The following SYNPR variants were observed in gnomAD, a reference collection of about 807,000 sequenced individuals.
SYNPR encodes the protein synaptoporin.
A neutral mutation model predicts 32.9 loss-of-function variants in SYNPR; 23 were observed. That is an observed-to-expected ratio of 0.70 (90% CI 0.50 to 0.99). SYNPR has a LOEUF of 0.99. SYNPR is among the 50% of genes least tolerant of loss of function. The pLI is 0.00. For synonymous variants in SYNPR, 146 were observed against 135.9 expected, an observed-to-expected ratio of 1.07 and a Z score of -0.52; for missense variants, 318 against 349.3, an observed-to-expected ratio of 0.91 and a Z score of 0.71.
the SYNPR span, among the ~76,000 whole-genome samples, chr3:63,202,069 C>A: frequency 2.0e-5 from 3 of 152,036 alleles, no homozygotes; most frequent in Non-Finnish European, 4.4e-5. Flanking sequence ...AATATATATT[C>A]AAAAGAAAGT....
intron 2 of SYNPR, among the ~76,000 whole-genome samples, chr3:63,350,213 TACACACACACACAC>T (rs67609911): frequency 6.9e-6 from 1 of 144,732 alleles, no homozygotes; most frequent in Non-Finnish European, 1.5e-5. Flanking sequence ...AATATTATTC[TACACACACACACAC>T]ACACACACAC....
upstream of SYNPR, among the ~76,000 whole-genome samples, chr3:63,275,083 G>A (rs541994532): frequency 2.6e-5 from 4 of 152,294 alleles, no homozygotes; most frequent in East Asian, 5.8e-4. Flanking sequence ...CCCCACCAAA[G>A]TTAACTTTAT....
At chr3:63,304,995 A>G (rs973389966) in intron 2 of SYNPR, among the ~76,000 whole-genome samples, 2 of 151,902 alleles carry the variant, frequency 1.3e-5, no homozygotes, top group South Asian at 2.1e-4. Context: ...CCAGAGCTAT[A>G]TAATGTGTGC....
At chr3:63,536,597 T>A (rs1194926284) in intron 3 of SYNPR, among the ~76,000 whole-genome samples, 2 of 152,160 alleles carry the variant, frequency 1.3e-5, no homozygotes, top group African/African-American at 4.8e-5. Flanking sequence ...CTAAACTGTA[T>A]GATCTAGCAA....
intron 1 of SYNPR, among the ~76,000 whole-genome samples, chr3:63,228,681 T>G (rs2086147027): frequency 6.6e-6 from 1 of 152,044 alleles, no homozygotes; most frequent in African/African-American, 2.4e-5. Flanking sequence ...AAAATAATTT[T>G]AAAGAACAAA....
intron 2 of SYNPR, among the ~76,000 whole-genome samples, chr3:63,408,271 AAGAAAG>A (rs1560221095): frequency 9.2e-6 from 1 of 108,808 alleles, no homozygotes; most frequent in East Asian, 2.6e-4. Context: ...GAAAGAAAGA[AAGAAAG>A]AGGAAGGAAG....
the SYNPR span, among the ~76,000 whole-genome samples, chr3:63,202,495 G>A: frequency 1.3e-5 from 2 of 152,048 alleles, no homozygotes; most frequent in Non-Finnish European, 2.9e-5. Flanking sequence ...TCCCTCAGTG[G>A]GCCGTGAACA....
At chr3:63,205,534 C>T in the SYNPR span, among the ~76,000 whole-genome samples, 4 of 152,222 alleles carry the variant, frequency 2.6e-5, no homozygotes, top group Non-Finnish European at 2.9e-5. Flanking sequence ...CTGTTAAACC[C>T]CTGTCACTGT....
intron 3 of SYNPR, among the ~76,000 whole-genome samples, chr3:63,552,449 T>C (rs1702519528): frequency 6.6e-6 from 1 of 152,228 alleles, no homozygotes; most frequent in Admixed American, 6.5e-5. Context: ...TCTGTTGTCC[T>C]GAATTTTGTT....
intron 2 of SYNPR, among the ~76,000 whole-genome samples, chr3:63,362,247 C>A (rs772427773): frequency 2.0e-5 from 3 of 152,174 alleles, no homozygotes; most frequent in Non-Finnish European, 4.4e-5. Flanking sequence ...GAGAAATAAA[C>A]CTCTGTTGTT....
At chr3:63,298,772 A>G (rs368785245) in intron 2 of SYNPR, among the ~76,000 whole-genome samples, 37 of 152,248 alleles carry the variant, frequency 2.4e-4, no homozygotes, top group African/African-American at 8.4e-4. Flanking sequence ...TGAGACAGGG[A>G]ATGGAAGTAA....
intron 2 of SYNPR, among the ~76,000 whole-genome samples, chr3:63,298,567 G>A (rs1024979063): frequency 6.6e-6 from 1 of 152,108 alleles, no homozygotes. Flanking sequence ...AGCAATGCAT[G>A]TCAGAATTCT....
intron 3 of SYNPR, among the ~76,000 whole-genome samples, chr3:63,509,228 T>C (rs946628973): frequency 1.3e-5 from 2 of 150,360 alleles, no homozygotes; most frequent in Non-Finnish European, 3.0e-5. Flanking sequence ...TATGTATGGG[T>C]ATATCTATAT....
At chr3:63,547,200 T>G (rs1702422726) in intron 3 of SYNPR, among the ~76,000 whole-genome samples, 1 of 152,196 alleles carries the variant, frequency 6.6e-6, no homozygotes, top group Non-Finnish European at 1.5e-5. Flanking sequence ...TTAGATAGAT[T>G]GATCCTTGTC....
chr3:63,437,435 G>T (rs564731441), intron 2 of SYNPR, among the ~76,000 whole-genome samples: 1 of 152,028 alleles, frequency 6.6e-6, no homozygotes, highest in Non-Finnish European at 1.5e-5. Context: ...TGTGTTAGTC[G>T]GGTTTCAGGC....
At chr3:63,548,484 GT>G (rs1335568226) in intron 3 of SYNPR, among the ~76,000 whole-genome samples, 4 of 152,060 alleles carry the variant, frequency 2.6e-5, no homozygotes, top group Non-Finnish European at 5.9e-5. Flanking sequence ...AAGTAAGAGT[GT>G]ATGTGTGCAT....
chr3:63,478,604 C>T (rs1039178703), intron 2 of SYNPR, among the ~76,000 whole-genome samples: 1 of 152,160 alleles, frequency 6.6e-6, no homozygotes, highest in Non-Finnish European at 1.5e-5. Context: ...TTGCCTATCA[C>T]ACACTTATGA....
intron 2 of SYNPR, among the ~76,000 whole-genome samples, chr3:63,259,737 G>C (rs1423688345): frequency 4.6e-5 from 7 of 152,172 alleles, no homozygotes; most frequent in Admixed American, 4.6e-4. Context: ...AATCAGGCAA[G>C]AGAAGGAAAT....
chr3:63,251,798 C>T (rs1407735659), intron 1 of SYNPR, among the ~76,000 whole-genome samples: 1 of 151,990 alleles, frequency 6.6e-6, no homozygotes, highest in Non-Finnish European at 1.5e-5. Context: ...AGATGCCATA[C>T]TCATGCCCTA....
Sources: gnomAD v4.1 joint callset for allele counts (sites outside exome capture counted in the v4.1 genomes callset) on GRCh38, gnomAD v4.1.1 for gene constraint, MANE v1.5 for transcripts, NCBI Gene and HGNC (gene_info 2026-07-23, HGNC 2026-07-21) for gene names.